Variants in SLC68A1 observed in about 807,000 individuals in gnomAD.
The protein encoded by SLC68A1 is major facilitator superfamily domain containing 13A.
chr10:102,467,070 C>G, the SLC68A1 span, among the ~76,000 whole-genome samples: 3 of 152,246 alleles, frequency 2.0e-5, no homozygotes, highest in South Asian at 6.2e-4. Context: ...TAGAGTCTTG[C>G]TCCGTCGCCC....
At chr10:102,473,653 G>A in the SLC68A1 span, 2 of 1,613,968 alleles carry the variant, frequency 1.2e-6, no homozygotes, top group Non-Finnish European at 1.7e-6. Flanking sequence ...GGTGGTGCGG[G>A]GGCTCTTCCT....
the SLC68A1 span, among the ~76,000 whole-genome samples, chr10:102,464,783 C>T: frequency 1.7e-5 from 1 of 60,124 alleles, no homozygotes; most frequent in Non-Finnish European, 3.0e-5. Flanking sequence ...GAGCGAGACT[C>T]TGTCTCAAAA....
At chr10:102,473,634 C>A in the SLC68A1 span, 1 of 1,613,982 alleles carries the variant, frequency 6.2e-7, no homozygotes, top group Admixed American at 1.7e-5. Flanking sequence ...GGCGCTGGGG[C>A]GTCTACGCGG....
the SLC68A1 span, chr10:102,476,044 TTTTTTTGG>T: frequency 7.3e-7 from 1 of 1,371,956 alleles, no homozygotes; most frequent in Non-Finnish European, 9.4e-7. Flanking sequence ...AGGAGCCAGT[TTTTTTTGG>T]TTTTTTTTTT....
At chr10:102,473,775 C>A in the SLC68A1 span, 1 of 1,606,974 alleles carries the variant, frequency 6.2e-7, no homozygotes, top group African/African-American at 1.3e-5. Flanking sequence ...GCAACACCTC[C>A]ATCCCATGCC....
the SLC68A1 span, chr10:102,473,641 G>T: frequency 1.2e-6 from 2 of 1,613,994 alleles, no homozygotes; most frequent in Admixed American, 3.3e-5. Flanking sequence ...GGGCGTCTAC[G>T]CGGTGGTGCG....
chr10:102,473,638 T>C, the SLC68A1 span: 2 of 1,614,046 alleles, frequency 1.2e-6, no homozygotes, highest in Non-Finnish European at 1.7e-6. Context: ...CTGGGGCGTC[T>C]ACGCGGTGGT....
chr10:102,475,893 A>G, the SLC68A1 span: 3 of 1,613,960 alleles, frequency 1.9e-6, no homozygotes, highest in Non-Finnish European at 2.5e-6. Flanking sequence ...ACCTGGTCCC[A>G]GTTCACGCTG....
At chr10:102,462,062 T>G in the SLC68A1 span, 1 of 152,122 alleles carries the variant, frequency 6.6e-6, no homozygotes, top group Non-Finnish European at 1.5e-5. Context: ...TTCTGGGACC[T>G]GTGGGGGAGG....
At chr10:102,470,757 C>A in the SLC68A1 span, 5 of 1,613,970 alleles carry the variant, frequency 3.1e-6, no homozygotes, top group South Asian at 5.5e-5. Flanking sequence ...TCGTTCCTGG[C>A]GTTCTGGGTG....
chr10:102,463,359 G>A, the SLC68A1 span, among the ~76,000 whole-genome samples: 1 of 152,104 alleles, frequency 6.6e-6, no homozygotes, highest in African/African-American at 2.4e-5. Flanking sequence ...TTTTAGTAGA[G>A]AGGAGGTTTC....
the SLC68A1 span, chr10:102,475,821 G>C: frequency 6.2e-7 from 1 of 1,613,950 alleles, no homozygotes; most frequent in African/African-American, 1.3e-5. Context: ...CCGACGCTCC[G>C]CCAGGGCTGC....
At chr10:102,475,615 TG>T in the SLC68A1 span, 1 of 1,328,974 alleles carries the variant, frequency 7.5e-7, no homozygotes, top group South Asian at 1.4e-5. Flanking sequence ...AGTTGTGGTC[TG>T]GACACGTCCA....
the SLC68A1 span, among the ~76,000 whole-genome samples, chr10:102,465,559 C>G: frequency 0.44 from 66,593 of 152,024 alleles, 15,032 homozygotes; most frequent in Middle Eastern, 0.6. Flanking sequence ...GGGCGAGGAG[C>G]CTGAGGCTCA....
At chr10:102,465,349 C>T in the SLC68A1 span, among the ~76,000 whole-genome samples, 2 of 152,040 alleles carry the variant, frequency 1.3e-5, no homozygotes, top group East Asian at 1.9e-4. Flanking sequence ...TGCTTGAACC[C>T]AGGAGGCGGA....
the SLC68A1 span, among the ~76,000 whole-genome samples, chr10:102,464,147 A>G: frequency 6.6e-6 from 1 of 152,306 alleles, no homozygotes; most frequent in South Asian, 2.1e-4. Flanking sequence ...CGCCCCACCT[A>G]GTGACTGATC....
chr10:102,476,768 C>G, the SLC68A1 span: 6 of 985,880 alleles, frequency 6.1e-6, no homozygotes, highest in African/African-American at 1.0e-4. Context: ...GCGTGGGAGC[C>G]CATCCCGCTG....
chr10:102,476,038 G>T, the SLC68A1 span: 2 of 1,099,776 alleles, frequency 1.8e-6, no homozygotes, highest in South Asian at 4.6e-5. Context: ...TGGGGAAGGA[G>T]CCAGTTTTTT....
chr10:102,475,788 C>T, the SLC68A1 span: 2 of 1,613,910 alleles, frequency 1.2e-6, no homozygotes, highest in African/African-American at 1.3e-5. Flanking sequence ...CCAGAGCCCC[C>T]AGCTCCAGCC....
Sources: gnomAD v4.1 joint callset for allele counts (sites outside exome capture counted in the v4.1 genomes callset) on GRCh38, gnomAD v4.1.1 for gene constraint, MANE v1.5 for transcripts, NCBI Gene and HGNC (gene_info 2026-07-23, HGNC 2026-07-21) for gene names.